EFCAB6: variants seen among roughly 807,000 people sequenced by gnomAD.
The protein encoded by EFCAB6 is EF-hand calcium-binding domain-containing protein 6.
Under a neutral mutation model 169.8 loss-of-function variants are expected in EFCAB6, and 156 were observed. The observed-to-expected ratio is 0.92, with a 90% CI of 0.81 to 1.05. EFCAB6 has a LOEUF of 1.05. EFCAB6 is among the 50% of genes least tolerant of loss of function. The pLI is 0.00. For synonymous variants in EFCAB6, 698 were observed against 676.4 expected (o/e 1.03, Z -0.50); for missense variants, 1,800 against 1,829.1 (o/e 0.98, Z 0.29).
chr22:43,714,701 C>T (rs905958260), intron 9 of EFCAB6, among the ~76,000 whole-genome samples: 11 of 152,136 alleles, frequency 7.2e-5, no homozygotes, highest in African/African-American at 2.7e-4. Flanking sequence ...GGATTATAGC[C>T]AGCCAAGTTG....
intron 1 of EFCAB6, among the ~76,000 whole-genome samples, chr22:43,810,872 CA>C (rs1368251405): frequency 2.0e-5 from 3 of 152,154 alleles, no homozygotes; most frequent in Non-Finnish European, 2.9e-5. Context: ...CACATATAAT[CA>C]AAGGGGCCAT....
chr22:43,718,592 G>A (rs2147457726), intron 8 of EFCAB6, among the ~76,000 whole-genome samples: 1 of 152,268 alleles, frequency 6.6e-6, no homozygotes, highest in South Asian at 2.1e-4. Flanking sequence ...AGACCAAACT[G>A]GCCAACGTGG....
intron 2 of EFCAB6, among the ~76,000 whole-genome samples, chr22:43,794,379 CAG>C (rs1338401141): frequency 3.3e-5 from 5 of 152,044 alleles, no homozygotes; most frequent in Non-Finnish European, 7.4e-5. Context: ...AATTAAATGC[CAG>C]AGAGAAAAGG....
At chr22:43,695,113 A>T (rs935541951) in intron 10 of EFCAB6, among the ~76,000 whole-genome samples, 24 of 151,876 alleles carry the variant, frequency 1.6e-4, no homozygotes, top group Non-Finnish European at 2.9e-4. Context: ...AGAAATCTAC[A>T]ACAAAAGGTC....
At chr22:43,626,979 T>G (rs1004552969) in intron 19 of EFCAB6, among the ~76,000 whole-genome samples, 1 of 152,158 alleles carries the variant, frequency 6.6e-6, no homozygotes, top group Non-Finnish European at 1.5e-5. Context: ...TTTGTGGAGC[T>G]TGTACTTCTA....
At chr22:43,708,227 C>T (rs960188910) in intron 10 of EFCAB6, among the ~76,000 whole-genome samples, 2 of 151,638 alleles carry the variant, frequency 1.3e-5, no homozygotes, top group East Asian at 1.9e-4. Flanking sequence ...GCCAACATGG[C>T]GAAACCCTAT....
In EFCAB6 at chr22:43,659,659, C is replaced by CA. The variant is rs533431138; in HGVS notation, c.1983+7444dup. On this transcript the variant is annotated intron_variant, in intron 17 of 31. Transcript: ENST00000262726. The stretch of plus-strand genomic sequence containing the variant: ...AGGGTGCCAGGGTGATACCCTATCT[C>CA]AAAAAAAAAACAAAAACCTAATTCA... Among the ~76,000 whole-genome samples the CA allele has an allele frequency of 5.5e-3, 787 of 144,308 alleles. 6 individuals carry two copies. The Middle Eastern group carries it at 0.063, about 12-fold the overall frequency. 94.7% of individuals were successfully genotyped at this position (144,308 alleles called of 152,430 possible).
At chr22:43,672,684 C>T (rs904268910) in intron 13 of EFCAB6, among the ~76,000 whole-genome samples, 4 of 151,940 alleles carry the variant, frequency 2.6e-5, no homozygotes, top group African/African-American at 9.7e-5. Context: ...TGGGGCCTAT[C>T]GGAGAACAAG....
At chr22:43,606,496 T>G (rs1184854128) in intron 22 of EFCAB6, among the ~76,000 whole-genome samples, 1 of 152,232 alleles carries the variant, frequency 6.6e-6, no homozygotes, top group Non-Finnish European at 1.5e-5. Flanking sequence ...GCACTTAATA[T>G]GACTCCTTAC....
At chr22:43,627,134 C>T (rs754757042) in intron 19 of EFCAB6, among the ~76,000 whole-genome samples, 7 of 152,194 alleles carry the variant, frequency 4.6e-5, no homozygotes, top group Non-Finnish European at 5.9e-5. Flanking sequence ...GAAGGCCAGG[C>T]CTCTGTTTCG....
intron 24 of EFCAB6, among the ~76,000 whole-genome samples, chr22:43,582,086 C>G (rs575161372): frequency 1.2e-4 from 19 of 152,224 alleles, no homozygotes; most frequent in African/African-American, 4.3e-4. Flanking sequence ...GTTGATCACC[C>G]GCATTGAAAG....
At chr22:43,712,092 A>G (rs895087113) in intron 9 of EFCAB6, among the ~76,000 whole-genome samples, 2 of 152,192 alleles carry the variant, frequency 1.3e-5, no homozygotes, top group African/African-American at 2.4e-5. Context: ...TAAACACAAT[A>G]TACATTGGAC....
At chr22:43,758,694 T>G (rs1341416691) in intron 5 of EFCAB6, among the ~76,000 whole-genome samples, 2 of 152,252 alleles carry the variant, frequency 1.3e-5, no homozygotes, top group African/African-American at 4.8e-5. Context: ...ACCTTTCATC[T>G]AGGATTACTT....
rs535247174 is a variant in EFCAB6 at position 43,531,698 on chromosome 22, C to T, written c.4234-734G>A. On this transcript the variant is annotated intron_variant, in intron 30 of 31. Transcript: ENST00000262726. ...CATTTTTTTTTTACATCATTTGGCA[C>T]GTATGATGTGTGCTCCCCAGGTACC... Among the ~76,000 whole-genome samples the T allele has an allele frequency of 8.6e-4, 131 of 152,192 alleles. 1 individual carries two copies. Among genetic ancestry groups the T allele is most frequent in the African/African-American group, 2.5e-3 (103 of 41,538 alleles).
In EFCAB6 at chr22:43,711,474, C is replaced by G; in HGVS notation, c.1031+1G>C. ...TGTCAAGGAAACAATGAGACTCTTA[C>G]CTTTTCATTAACTGGATAAAAATTC... On this transcript the variant is annotated splice_donor_variant, in intron 10 of 31. Coordinates refer to ENST00000262726, the MANE Select transcript of EFCAB6 (RefSeq NM_022785.4). LOFTEE classifies it high-confidence loss of function. 1 of 1,577,874 alleles carries G rather than the reference C, an allele frequency of 6.3e-7. No homozygotes were observed. Among genetic ancestry groups the G allele is most frequent in the Non-Finnish European group, 8.6e-7 (1 of 1,168,648 alleles).
chr22:43,704,960 A>G (rs2058901931), intron 10 of EFCAB6, among the ~76,000 whole-genome samples: 1 of 152,106 alleles, frequency 6.6e-6, no homozygotes, highest in African/African-American at 2.4e-5. Flanking sequence ...ACATAGAGTG[A>G]CCAACTCTAT....
intron 2 of EFCAB6, among the ~76,000 whole-genome samples, chr22:43,786,503 C>T (rs1010103242): frequency 9.2e-5 from 14 of 152,072 alleles, no homozygotes; most frequent in African/African-American, 2.4e-4. Flanking sequence ...AGGCAGATCA[C>T]GAGGTCAGGA....
intron 2 of EFCAB6, among the ~76,000 whole-genome samples, chr22:43,807,879 AC>A (rs1251090394): frequency 1.3e-5 from 2 of 152,226 alleles, no homozygotes; most frequent in African/African-American, 4.8e-5. Context: ...TTGGCCATTT[AC>A]TGAGCATCTA....
intron 15 of EFCAB6, among the ~76,000 whole-genome samples, chr22:43,671,037 C>T (rs1603114042): frequency 6.6e-6 from 1 of 152,242 alleles, no homozygotes; most frequent in Non-Finnish European, 1.5e-5. Context: ...AGTCACTTGC[C>T]CAGGTTTGGA....
Sources: gnomAD v4.1 joint callset for allele counts (sites outside exome capture counted in the v4.1 genomes callset) on GRCh38, gnomAD v4.1.1 for gene constraint, MANE v1.5 for transcripts, NCBI Gene and HGNC (gene_info 2026-07-23, HGNC 2026-07-21) for gene names.